The following MAP2K7 variants were observed in gnomAD, a reference collection of about 807,000 sequenced individuals.
The protein encoded by MAP2K7 is dual specificity mitogen-activated protein kinase kinase 7.
Under a neutral mutation model 47.7 loss-of-function variants are expected in MAP2K7, and 12 were observed. The observed-to-expected ratio is 0.25, with a 90% CI of 0.16 to 0.41. MAP2K7 has a LOEUF of 0.41. MAP2K7 is among the 10% of genes least tolerant of loss of function. MAP2K7 has a pLI of 1.00. For synonymous variants in MAP2K7, 299 were observed against 243.0 expected (o/e 1.23, Z -2.14); for missense variants, 415 against 600.3 (o/e 0.69, Z 3.23).
At position 7,912,537 on chromosome 19, in the gene MAP2K7, G is replaced by C. The variant is rs955063011; in HGVS notation, c.*106G>C. ...GCCAGGGGAGACCTGGGACCTGGAC[G>C]GCCACCTAGGACTGAGGACAGAGAG... is the stretch of plus-strand genomic sequence containing the variant. On this transcript the variant is annotated 3_prime_UTR_variant, in exon 11 of 11. Coordinates refer to ENST00000397979, the MANE Select transcript of MAP2K7 (RefSeq NM_145185.4). The C allele has an allele frequency of 1.5e-6, 2 of 1,355,960 alleles. No individual in the cohort carries two copies. The highest frequency in any genetic ancestry group is 2.0e-6 in the Non-Finnish European group (2 of 1,014,806). 84.0% of individuals were successfully genotyped at this position (1,355,960 alleles called of 1,614,324 possible).
In MAP2K7 at chr19:7,904,020, C is replaced by T; in HGVS notation, c.76C>T (p.Arg26Trp). Residue 26 changes from arginine (R) to tryptophan (W), a missense_variant, in exon 1 of 11, where the codon CGG becomes TGG. By Grantham distance (101) the Arg-to-Trp change is moderately radical. Around this residue, in one of 3 missense-constraint regions of MAP2K7, gnomAD observed 115 missense variants for 126.2 expected, o/e 0.91. Coordinates refer to ENST00000397979, the MANE Select transcript of MAP2K7 (RefSeq NM_145185.4). ...KLKQENREARRRIDLNLDISP... is the reference protein window; with the variant it reads ...KLKQENREARWRIDLNLDISP... ...GAAGCAGGAGAACCGGGAGGCCCGG[C>T]GGAGGATCGACCTCAACCTGGATAT... 7.2e-7 allele frequency: 1 copy of T among 1,397,698 alleles called. No homozygotes were observed. Among genetic ancestry groups the T allele is most frequent in the Non-Finnish European group, 9.5e-7 (1 of 1,055,472 alleles). The allele number at this position is 1,397,698 out of a possible 1,614,324, so 86.6% of individuals were successfully genotyped here.
Position 7,903,912 on chromosome 19 carries a change from GGGCGGTGCGCGGC to G in MAP2K7, c.-25_-13del. ...TTGTCTGCCGGACTGACGGGCGGCC[GGGCGGTGCGCGGC>G]GGCGGTGGCGGCGGGGAAGATGGCG... is the stretch of plus-strand genomic sequence containing the variant. On this transcript the variant is annotated 5_prime_UTR_variant, in exon 1 of 11. Transcript: ENST00000397979. 2 of 1,470,432 alleles carry G rather than the reference GGGCGGTGCGCGGC, an allele frequency of 1.4e-6. No individual in the cohort carries two copies. Among genetic ancestry groups the G allele is most frequent in the East Asian group, 5.7e-5 (2 of 35,158 alleles). 91.1% of individuals were successfully genotyped at this position (1,470,432 alleles called of 1,614,324 possible). A position where few individuals can be genotyped will look rare whatever the true frequency, so the allele number is the denominator to read the frequency against.
At chr19:7,907,123 A>G (rs964368957) in intron 1 of MAP2K7, 6 of 151,898 alleles carry the variant, frequency 4.0e-5, no homozygotes, top group African/African-American at 1.5e-4. Context: ...AGCCTGGGCA[A>G]CAGAGCAAGA....
rs1249525447 is a variant in MAP2K7, at chr19:7,912,615, T to C, written c.*184T>C. 3.5e-6 allele frequency: 2 copies of C among 578,672 alleles called. No individual in the cohort carries two copies. Among genetic ancestry groups the C allele is most frequent in the Non-Finnish European group, 5.3e-6 (2 of 379,194 alleles). 35.8% of individuals were successfully genotyped at this position (578,672 alleles called of 1,614,324 possible). A position where few individuals can be genotyped will look rare whatever the true frequency, so the allele number is the denominator to read the frequency against. ...CCCGGGCCTACCAAGCCCCCGCCCT[T>C]CCCACCCCGGGGTCAGCCGGCCGTG... On this transcript the variant is annotated 3_prime_UTR_variant, in exon 11 of 11. Transcript: ENST00000397979.
chr19:7,905,265 C>G (rs555659685), intron 1 of MAP2K7, among the ~76,000 whole-genome samples: 2 of 102,180 alleles, frequency 2.0e-5, no homozygotes, highest in Non-Finnish European at 4.7e-5. Flanking sequence ...GAGAAAGGTA[C>G]CCCCGTATCT....
intron 1 of MAP2K7, among the ~76,000 whole-genome samples, chr19:7,905,538 G>A (rs1419381324): frequency 4.6e-5 from 7 of 152,134 alleles, no homozygotes; most frequent in Admixed American, 4.6e-4. Context: ...CCAGGATCCC[G>A]GGTGCCTTCA....
chr19:7,911,230 T>A lies in MAP2K7; in HGVS notation c.856-20T>A, dbSNP rs752796066. On this transcript the variant is annotated intron_variant, in intron 7 of 10. Coordinates refer to ENST00000397979, the MANE Select transcript of MAP2K7 (RefSeq NM_145185.4). ...CCGGCCCCAGCCTTGGAGATACGTC[T>A]TCTCCTCCCCCCCCTGCAGCCCGAG... is the stretch of plus-strand genomic sequence containing the variant. 3.9e-3 allele frequency: 6,286 copies of A among 1,597,916 alleles called. 24 individuals carry two copies. Among genetic ancestry groups the A allele is most frequent in the Non-Finnish European group, 4.3e-3 (5,051 of 1,168,850 alleles).
rs1224060827 is a variant in MAP2K7 at position 7,912,583 on chromosome 19, C to A, written c.*152C>A. On this transcript the variant is annotated 3_prime_UTR_variant, in exon 11 of 11. Coordinates refer to ENST00000397979, the MANE Select transcript of MAP2K7 (RefSeq NM_145185.4). The stretch of plus-strand genomic sequence containing the variant: ...GAGAGTGGGGGGTGCCCACCCACCC[C>A]CCCCGCCCCGGGCCTACCAAGCCCC... 1.1e-5 allele frequency: 10 copies of A among 909,664 alleles called. No individual in the cohort carries two copies. The Admixed American group carries it at 1.5e-4, about 14-fold the overall frequency. 56.3% of individuals were successfully genotyped at this position (909,664 alleles called of 1,614,324 possible).
chr19:7,911,937 G>A (rs1214970037), intron 9 of MAP2K7, among the ~76,000 whole-genome samples: 2 of 152,190 alleles, frequency 1.3e-5, no homozygotes, highest in African/African-American at 4.8e-5. Context: ...GGCCCCCCAA[G>A]CCAGGCCCTT....
chr19:7,911,387 G>A (rs777505060), intron 8 of MAP2K7, 49 bp from the exon 9 acceptor site: 37 of 1,613,228 alleles, frequency 2.3e-5, no homozygotes, highest in Admixed American at 5.0e-5. Flanking sequence ...TGGGGGACTC[G>A]GAGGGAGGAG....
chr19:7,912,533 G>GGAC lies in MAP2K7; in HGVS notation c.*104_*106dup. The GGAC allele has an allele frequency of 7.2e-7, 1 of 1,392,266 alleles. No homozygotes were observed. The highest frequency in any genetic ancestry group is 9.6e-7 in the Non-Finnish European group (1 of 1,046,528). 86.2% of individuals were successfully genotyped at this position (1,392,266 alleles called of 1,614,324 possible). A position where few individuals can be genotyped will look rare whatever the true frequency, so the allele number is the denominator to read the frequency against. On this transcript the variant is annotated 3_prime_UTR_variant, in exon 11 of 11. Transcript: ENST00000397979. ...GCCTGCCAGGGGAGACCTGGGACCT[G>GGAC]GACGGCCACCTAGGACTGAGGACAG...
At position 7,911,386 on chromosome 19, in the gene MAP2K7, CGGA is replaced by C. The variant is rs931711698; in HGVS notation, c.937-47_937-45del. 9 of 1,613,224 alleles carry C rather than the reference CGGA, an allele frequency of 5.6e-6. No homozygotes were observed. The African/African-American group carries it at 1.2e-4, about 22-fold the overall frequency. ...CAGGAGTGAGGGCTTCTGGGGGACT[CGGA>C]GGGAGGAGAACATAAACCTGTCCAG... is the stretch of plus-strand genomic sequence containing the variant. On this transcript the variant is annotated intron_variant, in intron 8 of 10. Coordinates refer to ENST00000397979, the MANE Select transcript of MAP2K7 (RefSeq NM_145185.4).
rs752181956 is a variant in MAP2K7 at position 7,911,533 on chromosome 19, G to A, written c.1034G>A (p.Gly345Glu). The change falls in exon 9 of 11, where the codon GGA (glycine) becomes GAA (glutamate). Residue 345 changes from glycine (G) to glutamate (E), a missense_variant. Gly to Glu is a moderately conservative substitution (Grantham distance 98). Transcript: ENST00000397979. ...VLQEEPPLLPGHMGFSGDFQS... is the reference protein window; with the variant it reads ...VLQEEPPLLPEHMGFSGDFQS... ...CAGGAAGAGCCCCCGCTTCTGCCCGGACACATGGGCTTCTCGGGGGACTTC... is the reference window on the plus strand; with the variant it reads ...CAGGAAGAGCCCCCGCTTCTGCCCGAACACATGGGCTTCTCGGGGGACTTC... 1.1e-5 allele frequency: 17 copies of A among 1,610,692 alleles called. No homozygotes were observed. Among genetic ancestry groups the A allele is most frequent in the African/African-American group, 1.3e-5 (1 of 74,872 alleles).
At chr19:7,904,369 C>T (rs1982299927) in intron 1 of MAP2K7, 1 of 245,778 alleles carries the variant, frequency 4.1e-6, no homozygotes, top group African/African-American at 2.3e-5. Flanking sequence ...CCCGACTCCA[C>T]GCGACAGTGA....
At chr19:7,904,177 C>A in intron 1 of MAP2K7, 109 bp downstream of exon 1, 2 of 896,230 alleles carry the variant, frequency 2.2e-6, no homozygotes, top group South Asian at 5.3e-5. Context: ...GGCGCTCGCT[C>A]TCCTCTCCGC....
In MAP2K7 at chr19:7,910,811, A is replaced by G. The variant is rs367903083; in HGVS notation, c.675+8A>G. The G allele has an allele frequency of 1.3e-6, 2 of 1,584,274 alleles. No homozygotes were observed. The highest frequency in any genetic ancestry group is 1.7e-6 in the Non-Finnish European group (2 of 1,160,330). ...GGCAAGATGACAGTGGCGGTGAGTG[A>G]CCAGGCGGGGCTTGCACTGGGCAGG... On this transcript the variant is annotated splice_region_variant and intron_variant, in intron 6 of 10. Transcript: ENST00000397979.
intron 9 of MAP2K7, 115 bp downstream of exon 9, chr19:7,911,693 T>G (rs976066428): frequency 7.1e-6 from 8 of 1,130,580 alleles, no homozygotes; most frequent in African/African-American, 1.6e-5. Context: ...GATGCGACTG[T>G]GGGCGGGCTC....
Position 7,912,481 on chromosome 19 carries a change from C to T in MAP2K7, c.*50C>T. 1 of 1,555,502 alleles carries T rather than the reference C, an allele frequency of 6.4e-7. No homozygotes were observed. The highest frequency in any genetic ancestry group is 8.6e-7 in the Non-Finnish European group (1 of 1,156,744). On this transcript the variant is annotated 3_prime_UTR_variant, in exon 11 of 11. Transcript: ENST00000397979. Reference sequence around the variant, plus strand: ...AGGGGGCCAGGGGCATGGCCACAGGCCCCCCTCCCCACTTGGCCACCCAGC... The same window carrying T: ...AGGGGGCCAGGGGCATGGCCACAGGTCCCCCTCCCCACTTGGCCACCCAGC...
At chr19:7,908,667 T>A (rs1158755058) in intron 1 of MAP2K7, among the ~76,000 whole-genome samples, 1 of 151,950 alleles carries the variant, frequency 6.6e-6, no homozygotes, top group Non-Finnish European at 1.5e-5. Flanking sequence ...TTGGTAGGTG[T>A]GTGTAGCCGT....
Sources: allele counts gnomAD v4.1 joint callset (sites outside exome capture counted in the v4.1 genomes callset), GRCh38; gene constraint gnomAD v4.1.1; regional missense constraint gnomAD v4.1.1; transcripts MANE v1.5; gene names NCBI Gene and HGNC (gene_info 2026-07-23, HGNC 2026-07-21).